The following GPHN variants were observed in gnomAD, a reference collection of about 807,000 sequenced individuals.
The protein encoded by GPHN is gephyrin.
In GPHN, 17 loss-of-function variants were observed where a neutral mutation model predicts 95.5. That is an observed-to-expected ratio of 0.18 (90% CI 0.12 to 0.27). GPHN has a LOEUF of 0.27. Ranked by LOEUF, GPHN falls within the 10% of genes least tolerant of loss-of-function variation. The probability of loss-of-function intolerance (pLI) is 1.00; values close to 1 mark genes in which losing one functional copy is unlikely to be tolerated. For missense variants in GPHN, 660 were observed against 978.1 expected (o/e 0.67, Z 4.34); for synonymous variants, 320 against 322.5 (o/e 0.99, Z 0.08).
chr14:66,766,508 A>G (rs943627187), intron 2 of GPHN, among the ~76,000 whole-genome samples: 2 of 152,164 alleles, frequency 1.3e-5, no homozygotes, highest in Admixed American at 1.3e-4. Flanking sequence ...AAATGAACAG[A>G]CAGTTCATTA....
chr14:67,369,936 CAG>C, the GPHN span, among the ~76,000 whole-genome samples: 9 of 152,298 alleles, frequency 5.9e-5, no homozygotes, highest in East Asian at 1.9e-4. Context: ...AGTGGGAAAT[CAG>C]GGGTCTCACA....
At chr14:67,391,834 A>G in the GPHN span, among the ~76,000 whole-genome samples, 2 of 152,196 alleles carry the variant, frequency 1.3e-5, no homozygotes, top group Non-Finnish European at 2.9e-5. Flanking sequence ...CAGGCTTTGA[A>G]TAGGGAGCCT....
intron 1 of GPHN, among the ~76,000 whole-genome samples, chr14:66,676,287 T>C (rs548209801): frequency 3.3e-5 from 5 of 152,150 alleles, no homozygotes; most frequent in Admixed American, 1.3e-4. Context: ...CTTTCTAATT[T>C]AGATGAACTT....
At chr14:67,458,233 A>G in the GPHN span, among the ~76,000 whole-genome samples, 9 of 152,262 alleles carry the variant, frequency 5.9e-5, no homozygotes, top group South Asian at 4.1e-4. Context: ...AGACTGCCCT[A>G]TGGAAGATGG....
intron 8 of GPHN, among the ~76,000 whole-genome samples, chr14:66,948,107 G>A (rs1014227445): frequency 2.0e-5 from 3 of 152,024 alleles, no homozygotes; most frequent in East Asian, 1.9e-4. Context: ...CATTTTATAA[G>A]TGCCATAAGA....
chr14:66,615,912 G>A (rs1159884323), intron 1 of GPHN, among the ~76,000 whole-genome samples: 2 of 151,964 alleles, frequency 1.3e-5, no homozygotes, highest in Non-Finnish European at 2.9e-5. Context: ...GTGTAAGGAA[G>A]GGTCCAGTTT....
the GPHN span, among the ~76,000 whole-genome samples, chr14:67,486,274 T>TTTTTG: frequency 1.3e-5 from 2 of 152,130 alleles, no homozygotes; most frequent in Non-Finnish European, 2.9e-5. Flanking sequence ...ATCTGATGGG[T>TTTTTG]TTTTGTTTTG....
chr14:67,434,724 C>T, the GPHN span, among the ~76,000 whole-genome samples: 2 of 152,184 alleles, frequency 1.3e-5, no homozygotes, highest in African/African-American at 4.8e-5. Flanking sequence ...ACCCTACAGG[C>T]AGTGTCTTGG....
chr14:67,699,123 G>A, the GPHN span, among the ~76,000 whole-genome samples: 1 of 152,036 alleles, frequency 6.6e-6, no homozygotes, highest in East Asian at 1.9e-4. Flanking sequence ...CATGGTGGCA[G>A]GCACCTGTAA....
At chr14:67,397,191 G>A in the GPHN span, among the ~76,000 whole-genome samples, 8 of 152,112 alleles carry the variant, frequency 5.3e-5, no homozygotes, top group Non-Finnish European at 1.2e-4. Flanking sequence ...TGCCCATCTC[G>A]GCCTCCCAAA....
At chr14:67,696,310 C>G in the GPHN span, among the ~76,000 whole-genome samples, 2 of 152,182 alleles carry the variant, frequency 1.3e-5, no homozygotes, top group African/African-American at 4.8e-5. Flanking sequence ...CGCACTGTTT[C>G]TCCTGGAGAT....
the GPHN span, chr14:67,392,964 A>G: frequency 0.11 from 104,499 of 917,758 alleles, 13,008 homozygotes; most frequent in East Asian, 0.46. Flanking sequence ...TCTACGCAAG[A>G]GCAGACTGAA....
chr14:67,065,620 G>C (rs1441993004), intron 11 of GPHN, among the ~76,000 whole-genome samples: 2 of 152,044 alleles, frequency 1.3e-5, no homozygotes, highest in Admixed American at 6.6e-5. Context: ...CTCCTGTCTT[G>C]GGTGCATATA....
chr14:66,890,672 C>CA (rs775140740), intron 5 of GPHN, among the ~76,000 whole-genome samples: 90 of 150,980 alleles, frequency 6.0e-4, no homozygotes, highest in Non-Finnish European at 1.1e-3. Context: ...GAAAAATGCT[C>CA]AAAAAAAACC....
At chr14:67,084,762 G>A (rs2076820757) in intron 11 of GPHN, among the ~76,000 whole-genome samples, 1 of 152,148 alleles carries the variant, frequency 6.6e-6, no homozygotes, top group African/African-American at 2.4e-5. Context: ...TAACATCTGA[G>A]CTGAACCTTG....
the GPHN span, among the ~76,000 whole-genome samples, chr14:67,689,738 G>C: frequency 6.6e-6 from 1 of 152,158 alleles, no homozygotes; most frequent in Non-Finnish European, 1.5e-5. Flanking sequence ...GAGGTCACGA[G>C]TTCAAGACCA....
At chr14:67,672,413 C>T in the GPHN span, among the ~76,000 whole-genome samples, 1 of 151,044 alleles carries the variant, frequency 6.6e-6, no homozygotes, top group Non-Finnish European at 1.5e-5. Context: ...GCCACCATGC[C>T]TGGCCTGCAG....
At chr14:67,373,842 A>AGAGTGTGT in the GPHN span, among the ~76,000 whole-genome samples, 3 of 145,686 alleles carry the variant, frequency 2.1e-5, no homozygotes, top group African/African-American at 7.5e-5. Flanking sequence ...TAATTTGTTC[A>AGAGTGTGT]GTGTGTGTGT....
At chr14:66,853,082 T>C (rs1291248812) in intron 4 of GPHN, among the ~76,000 whole-genome samples, 1 of 152,246 alleles carries the variant, frequency 6.6e-6, no homozygotes, top group East Asian at 1.9e-4. Context: ...TTGATTTTTT[T>C]GTTTGTTTCT....
Sources: gnomAD v4.1 joint callset for allele counts (sites outside exome capture counted in the v4.1 genomes callset) on GRCh38, gnomAD v4.1.1 for gene constraint, MANE v1.5 for transcripts, NCBI Gene and HGNC (gene_info 2026-07-23, HGNC 2026-07-21) for gene names.